Variants in FEZ1 observed in about 807,000 individuals in gnomAD.
FEZ1 encodes the protein fasciculation and elongation protein zeta-1.
Under a neutral mutation model 49.3 loss-of-function variants are expected in FEZ1, and 20 were observed. That is an observed-to-expected ratio of 0.41 (90% CI 0.29 to 0.59). FEZ1 has a LOEUF of 0.59. Among genes scored for constraint, FEZ1 ranks in the 20% least tolerant of loss-of-function variants. The probability of loss-of-function intolerance (pLI) is 0.36; values close to 1 mark genes in which losing one functional copy is unlikely to be tolerated. For synonymous variants in FEZ1, 170 were observed against 180.9 expected (o/e 0.94, Z 0.48); for missense variants, 413 against 476.0 (o/e 0.87, Z 1.23).
chr11:125,445,342 G>A lies in FEZ1; in HGVS notation c.*753C>T, dbSNP rs1211505866. On this transcript the variant is annotated 3_prime_UTR_variant, in exon 10 of 10. Coordinates refer to ENST00000278919, the MANE Select transcript of FEZ1 (RefSeq NM_005103.5). The surrounding 1 kb of genome is among the most constrained non-coding windows in gnomAD (Gnocchi z 4.4). ...GCAGGCCCTGAGCCTCCAGGTCCCC[G>A]TGGACAGCCTGGGGAGGGTCTCCAG... Among the ~76,000 whole-genome samples the A allele has an allele frequency of 2.0e-5, 3 of 152,216 alleles. No individual in the cohort carries two copies. The highest frequency in any genetic ancestry group is 4.4e-5 in the Non-Finnish European group (3 of 68,022).
intron 5 of FEZ1, 99 bp from the exon 6 acceptor site, chr11:125,456,205 T>C (rs1957009812): frequency 8.8e-7 from 1 of 1,135,276 alleles, no homozygotes; most frequent in East Asian, 2.4e-5. Context: ...GGACTGCCCC[T>C]CAGAGGAGAT....
intron 9 of FEZ1, among the ~76,000 whole-genome samples, chr11:125,448,005 G>T (rs1956913727): frequency 6.6e-6 from 1 of 152,168 alleles, no homozygotes; most frequent in African/African-American, 2.4e-5. Context: ...AGGCGTAAAT[G>T]AAATAAGCCT....
intron 3 of FEZ1, 85 bp downstream of exon 3, chr11:125,481,449 G>A: frequency 1.2e-6 from 1 of 845,372 alleles, no homozygotes; most frequent in Non-Finnish European, 2.1e-6. Context: ...CAACAATTTT[G>A]AGGAAGACTG....
At chr11:125,484,229 C>T (rs2135781499) in intron 2 of FEZ1, among the ~76,000 whole-genome samples, 1 of 152,302 alleles carries the variant, frequency 6.6e-6, no homozygotes, top group East Asian at 1.9e-4. Context: ...AGATTCGAAA[C>T]ATGGATTAAT....
At chr11:125,493,370 GAAA>G (rs1210815146) in intron 1 of FEZ1, among the ~76,000 whole-genome samples, 399 of 33,020 alleles carry the variant, frequency 0.012, 11 homozygotes, top group African/African-American at 0.043. Context: ...AGAAAAGAAA[GAAA>G]GAAAGAAAGA....
chr11:125,463,321 T>C (rs756312937), intron 4 of FEZ1, 163 bp downstream of exon 4: 5 of 526,898 alleles, frequency 9.5e-6, no homozygotes, highest in South Asian at 4.5e-5. Flanking sequence ...TATATATATA[T>C]AAAGAAAAAA....
At chr11:125,479,916 T>C (rs989548246) in intron 3 of FEZ1, among the ~76,000 whole-genome samples, 2 of 152,194 alleles carry the variant, frequency 1.3e-5, no homozygotes, top group African/African-American at 4.8e-5. Context: ...GAGGGGCAAT[T>C]TGGATCTTCT....
intron 3 of FEZ1, 84 bp from the exon 4 acceptor site, chr11:125,463,654 G>T: frequency 2.4e-6 from 2 of 819,354 alleles, no homozygotes; most frequent in Non-Finnish European, 2.1e-6. Flanking sequence ...GGATGATACT[G>T]ACTGGGAGGC....
At position 125,470,829 on chromosome 11, in the gene FEZ1, C is replaced by CT. The variant is rs756117348; in HGVS notation, c.412-7260dup. Among the ~76,000 whole-genome samples, 5 of 151,896 alleles carry CT rather than the reference C, an allele frequency of 3.3e-5. No individual in the cohort carries two copies. The East Asian group carries it at 5.8e-4, about 18-fold the overall frequency. ...ACATAGGTAAATATTTTAAAAGTAT[C>CT]TTTTTTTTCCTTCTTTTGATTTTCT... On this transcript the variant is annotated intron_variant, in intron 3 of 9. Transcript: ENST00000278919.
Position 125,495,179 on chromosome 11 carries a change from C to A in FEZ1, c.-46+942G>T. On this transcript the variant is annotated intron_variant, in intron 1 of 9. Coordinates refer to ENST00000278919, the MANE Select transcript of FEZ1 (RefSeq NM_005103.5). The surrounding 1 kb of genome is among the most constrained non-coding windows in gnomAD (Gnocchi z 4.2). ...TCCATCTCAGATCCCCCTCCTCCCC[C>A]CAGTCCGGTGGGGTAAAGAAAGCCT... The A allele has an allele frequency of 2.8e-6, 1 of 358,074 alleles. No homozygotes were observed. Among genetic ancestry groups the A allele is most frequent in the South Asian group, 2.1e-5 (1 of 46,962 alleles). The allele number at this position is 358,074 out of a possible 1,614,324, so 22.2% of individuals were successfully genotyped here.
At position 125,489,931 on chromosome 11, in the gene FEZ1, A is replaced by T; in HGVS notation, c.-45-109T>A. 1 of 994,862 alleles carries T rather than the reference A, an allele frequency of 1.0e-6. No homozygotes were observed. Among genetic ancestry groups the T allele is most frequent in the South Asian group, 2.7e-5 (1 of 37,158 alleles). 61.6% of individuals were successfully genotyped at this position (994,862 alleles called of 1,614,324 possible). ...AATTCCCTACTCCAAAAAACAAGGC[A>T]CTGGTTAAGTACGAAGCTCCTGGAC... On this transcript the variant is annotated intron_variant, in intron 1 of 9. Transcript: ENST00000278919. The surrounding 1 kb of genome is among the most constrained non-coding windows in gnomAD (Gnocchi z 4.2).
Position 125,481,597 on chromosome 11 carries a change from T to C in FEZ1, c.348A>G (p.Ser116=), listed in dbSNP as rs1367262627. The change falls in exon 3 of 10, where the codon TCA becomes TCG. Residue 116 remains serine (S), a synonymous_variant. Coordinates refer to ENST00000278919, the MANE Select transcript of FEZ1 (RefSeq NM_005103.5). ...TTGGATCCCTCCAGTCTTCTGAGAG[T>C]GAAGGGATGTAATTGTCTGTCAGAG... ...WDALTDNYIP[S]LSEDWRDPNI... is the part of the protein sequence containing the mutation. 4 of 1,612,656 alleles carry C rather than the reference T, an allele frequency of 2.5e-6. No individual in the cohort carries two copies. Among genetic ancestry groups the C allele is most frequent in the African/African-American group, 1.3e-5 (1 of 74,784 alleles).
chr11:125,466,968 C>A (rs1201231870), intron 3 of FEZ1, among the ~76,000 whole-genome samples: 2 of 145,398 alleles, frequency 1.4e-5, no homozygotes, highest in Non-Finnish European at 1.5e-5. Context: ...ATTAAGAGAA[C>A]AAAGATACAT....
chr11:125,465,474 T>A (rs1465223553), intron 3 of FEZ1, among the ~76,000 whole-genome samples: 1 of 152,070 alleles, frequency 6.6e-6, no homozygotes, highest in Admixed American at 6.6e-5. Context: ...GTAGAGTTTC[T>A]CTCCCCTCCC....
At chr11:125,450,036 T>A (rs1201897090) in intron 8 of FEZ1, among the ~76,000 whole-genome samples, 4 of 151,878 alleles carry the variant, frequency 2.6e-5, no homozygotes, top group Non-Finnish European at 5.9e-5. Flanking sequence ...TGGGTTTTTT[T>A]TTTTTTTTGA....
chr11:125,477,759 C>A (rs2135772712), intron 3 of FEZ1, among the ~76,000 whole-genome samples: 1 of 152,158 alleles, frequency 6.6e-6, no homozygotes, highest in Non-Finnish European at 1.5e-5. Flanking sequence ...TCCTGAGGCA[C>A]TGGCCTGGCT....
At chr11:125,488,689 C>CA (rs1003278028) in intron 2 of FEZ1, 167 of 970,216 alleles carry the variant, frequency 1.7e-4, no homozygotes, top group African/African-American at 1.3e-3. Flanking sequence ...CAAAAAAAAA[C>CA]AAAACAAAAC....
intron 3 of FEZ1, among the ~76,000 whole-genome samples, chr11:125,475,616 G>A (rs1033942125): frequency 3.9e-5 from 6 of 151,968 alleles, no homozygotes; most frequent in African/African-American, 7.3e-5. Flanking sequence ...AGAGGATCAG[G>A]AAAAATAACC....
At chr11:125,476,956 C>G (rs35904963) in intron 3 of FEZ1, among the ~76,000 whole-genome samples, 8 of 151,786 alleles carry the variant, frequency 5.3e-5, no homozygotes, top group Non-Finnish European at 1.2e-4. Flanking sequence ...GAATCCCCAG[C>G]ATGAAGGGAA....
Sources: gnomAD v4.1 joint callset for allele counts (sites outside exome capture counted in the v4.1 genomes callset) on GRCh38, gnomAD v4.1.1 for gene constraint, Gnocchi (gnomAD v3.1) non-coding constraint, MANE v1.5 for transcripts, NCBI Gene and HGNC (gene_info 2026-07-23, HGNC 2026-07-21) for gene names.